The following EXOC6B variants were observed in gnomAD, a reference collection of about 807,000 sequenced individuals.
EXOC6B encodes exocyst complex component 6B, also known as SEC15 homolog B.
A neutral mutation model predicts 113.5 loss-of-function variants in EXOC6B; 54 were observed. The ratio of observed to expected loss-of-function variants is 0.48; its 90% CI spans 0.38 to 0.60. The LOEUF (loss-of-function observed/expected upper bound fraction) is 0.60. Ranked by LOEUF, EXOC6B falls within the 20% of genes least tolerant of loss-of-function variation. The pLI is 0.00. For missense variants in EXOC6B, 797 were observed against 977.5 expected (o/e 0.82, Z 2.46); for synonymous variants, 357 against 339.0 (o/e 1.05, Z -0.58).
intron 18 of EXOC6B, among the ~76,000 whole-genome samples, chr2:72,411,714 A>G (rs1236887858): frequency 1.3e-5 from 2 of 152,186 alleles, no homozygotes; most frequent in Non-Finnish European, 2.9e-5. Flanking sequence ...CCCCTGAGAC[A>G]ACCAGGAAAA....
At chr2:72,767,832 A>AAAAAAAAAAAAAAAAAAAAAAAAAAC (rs1269469333) in intron 1 of EXOC6B, among the ~76,000 whole-genome samples, 1 of 141,150 alleles carries the variant, frequency 7.1e-6, no homozygotes. Flanking sequence ...AAAAAAAAAA[A>AAAAAAAAAAAAAAAAAAAAAAAAAAC]AGACCAAGTC....
intron 8 of EXOC6B, among the ~76,000 whole-genome samples, chr2:72,529,930 C>T (rs978747497): frequency 2.6e-5 from 4 of 152,102 alleles, no homozygotes; most frequent in African/African-American, 9.7e-5. Flanking sequence ...TCACAGTGTT[C>T]TCTTATTATC....
At chr2:72,368,136 A>G (rs1368779923) in intron 19 of EXOC6B, among the ~76,000 whole-genome samples, 1 of 152,150 alleles carries the variant, frequency 6.6e-6, no homozygotes, top group Non-Finnish European at 1.5e-5. Context: ...CTAGAAAATG[A>G]GTCCTTCCTT....
intron 16 of EXOC6B, among the ~76,000 whole-genome samples, chr2:72,488,789 C>A (rs1430288329): frequency 6.6e-6 from 1 of 152,170 alleles, no homozygotes; most frequent in Non-Finnish European, 1.5e-5. Context: ...TTGTTTCCAT[C>A]CTACAGTATA....
chr2:72,268,352 T>G (rs1684265396), intron 20 of EXOC6B, among the ~76,000 whole-genome samples: 1 of 152,104 alleles, frequency 6.6e-6, no homozygotes, highest in Non-Finnish European at 1.5e-5. Context: ...CTCAAGGTGA[T>G]CCACCCACCT....
chr2:72,793,703 G>T (rs1684801589), intron 1 of EXOC6B, among the ~76,000 whole-genome samples: 1 of 152,184 alleles, frequency 6.6e-6, no homozygotes, highest in Non-Finnish European at 1.5e-5. Context: ...GTACATAGGT[G>T]TAAGAGAAAG....
intron 20 of EXOC6B, among the ~76,000 whole-genome samples, chr2:72,227,686 A>AT (rs1345540161): frequency 6.6e-6 from 1 of 152,178 alleles, no homozygotes; most frequent in East Asian, 1.9e-4. Context: ...ATTTACAAAT[A>AT]TTGGCCACAA....
chr2:72,738,585 G>A (rs1475408813), intron 2 of EXOC6B, among the ~76,000 whole-genome samples: 2 of 152,188 alleles, frequency 1.3e-5, no homozygotes, highest in Non-Finnish European at 2.9e-5. Context: ...ACAAAGAAAA[G>A]CATTTCAGAT....
At chr2:72,486,554 G>T (rs1699431146) in intron 16 of EXOC6B, among the ~76,000 whole-genome samples, 1 of 151,922 alleles carries the variant, frequency 6.6e-6, no homozygotes, top group Admixed American at 6.6e-5. Flanking sequence ...TCCCATGCTT[G>T]CTCTCCCATC....
intron 6 of EXOC6B, among the ~76,000 whole-genome samples, chr2:72,595,479 T>C (rs1218075149): frequency 6.6e-6 from 1 of 151,130 alleles, no homozygotes; most frequent in East Asian, 1.9e-4. Context: ...ATCAAGAAGT[T>C]AAGAAAATAT....
chr2:72,569,825 T>C (rs1469585349), intron 7 of EXOC6B, among the ~76,000 whole-genome samples: 2 of 152,152 alleles, frequency 1.3e-5, no homozygotes, highest in African/African-American at 4.8e-5. Context: ...CAACCACTAT[T>C]TTTTTACAAG....
chr2:72,641,616 A>G (rs1412867804), intron 6 of EXOC6B, among the ~76,000 whole-genome samples: 1 of 152,174 alleles, frequency 6.6e-6, no homozygotes, highest in Non-Finnish European at 1.5e-5. Context: ...GTGTGTATAG[A>G]CCCCACCTCT....
intron 8 of EXOC6B, among the ~76,000 whole-genome samples, chr2:72,541,347 A>G (rs1046913870): frequency 3.3e-5 from 5 of 152,198 alleles, no homozygotes; most frequent in Non-Finnish European, 2.9e-5. Flanking sequence ...GGACTAATAC[A>G]GAATATGTGA....
At chr2:72,316,809 C>A (rs1367051672) in intron 20 of EXOC6B, among the ~76,000 whole-genome samples, 2 of 152,132 alleles carry the variant, frequency 1.3e-5, no homozygotes, top group Non-Finnish European at 2.9e-5. Context: ...TACAAAATGT[C>A]AGGGACCCAA....
intron 6 of EXOC6B, among the ~76,000 whole-genome samples, chr2:72,683,527 T>C (rs1178040213): frequency 2.0e-5 from 3 of 152,180 alleles, no homozygotes; most frequent in African/African-American, 7.2e-5. Context: ...ATGATTCCCA[T>C]TTATACATAA....
intron 7 of EXOC6B, among the ~76,000 whole-genome samples, chr2:72,568,562 C>T (rs1704330765): frequency 2.0e-5 from 3 of 151,810 alleles, no homozygotes; most frequent in South Asian, 2.1e-4. Flanking sequence ...CACGCACACA[C>T]CTATTCTTTC....
intron 1 of EXOC6B, among the ~76,000 whole-genome samples, chr2:72,783,144 G>T (rs1684155263): frequency 6.6e-6 from 1 of 150,630 alleles, no homozygotes; most frequent in African/African-American, 2.4e-5. Context: ...GTGTATAAAA[G>T]CTCCCTTTAC....
intron 7 of EXOC6B, among the ~76,000 whole-genome samples, chr2:72,567,549 T>C (rs1258528479): frequency 6.6e-6 from 1 of 152,080 alleles, no homozygotes; most frequent in Non-Finnish European, 1.5e-5. Flanking sequence ...GTGTATTTCT[T>C]AGCTCTGTCC....
chr2:72,546,449 A>AAG (rs753326829), intron 8 of EXOC6B, among the ~76,000 whole-genome samples: 153 of 151,800 alleles, frequency 1.0e-3, no homozygotes, highest in Admixed American at 2.8e-3. Context: ...CTCCAAAAAA[A>AAG]AGAGAGAGAG....
Sources: allele counts gnomAD v4.1 joint callset (sites outside exome capture counted in the v4.1 genomes callset), GRCh38; gene constraint gnomAD v4.1.1; transcripts MANE v1.5; gene names NCBI Gene and HGNC (gene_info 2026-07-23, HGNC 2026-07-21).